Variants in UCMA observed in about 807,000 individuals in gnomAD.
The protein encoded by UCMA is upper zone of growth plate and cartilage matrix associated.
In UCMA, 21 loss-of-function variants were observed where a neutral mutation model predicts 21.8. The observed-to-expected ratio is 0.97, with a 90% CI of 0.68 to 1.39. The LOEUF (loss-of-function observed/expected upper bound fraction) is 1.39, where lower values mean the gene tolerates loss of function less well. Among genes scored for constraint, UCMA ranks in the 40% most tolerant of loss-of-function variants. The pLI, the probability that UCMA is intolerant of heterozygous loss-of-function variation, is 0.00. For synonymous variants in UCMA, 76 were observed against 67.9 expected (o/e 1.12, Z -0.58); for missense variants, 193 against 178.9 (o/e 1.08, Z -0.45).
chr10:13,233,432 T>G (rs1844533341), intron 3 of UCMA, 106 bp downstream of exon 3: 2 of 877,856 alleles, frequency 2.3e-6, no homozygotes, highest in African/African-American at 3.3e-5. Context: ...GAGCCCTTCG[T>G]GCCCAGCTGC....
At position 13,233,623 on chromosome 10, in the gene UCMA, C is replaced by G; in HGVS notation, c.135G>C (p.Gln45His). 1.2e-6 allele frequency: 2 copies of G among 1,614,170 alleles called. No individual in the cohort carries two copies. ...CATCTGATTCCTGCATGAAAATCTT[C>G]TGTTTTGCATCTGAAACCCGGGAGA... is the stretch of plus-strand genomic sequence containing the variant. ...AGEEASEDAK[Q>H]KIFMQESDAS... The change falls in exon 3 of 5, where the codon CAG (glutamine) becomes CAC (histidine). Residue 45 changes from glutamine to histidine, a missense_variant. By Grantham distance (24) the Gln-to-His change is conservative. Transcript: ENST00000378681.
rs200958228 is a variant in UCMA, at chr10:13,234,191, C to T, written c.58+10G>A. The stretch of plus-strand genomic sequence containing the variant: ...ACTAACACCCTCCACCTTGACCCTC[C>T]TGTACTCACTAGACAGGAGCACCAC... On this transcript the variant is annotated intron_variant, in intron 1 of 4. Coordinates refer to ENST00000378681, the MANE Select transcript of UCMA (RefSeq NM_145314.3). The T allele has an allele frequency of 1.4e-4, 228 of 1,612,906 alleles. No individual in the cohort carries two copies. The highest frequency in any genetic ancestry group is 2.3e-4 in the Admixed American group (14 of 59,862).
intron 4 of UCMA, among the ~76,000 whole-genome samples, chr10:13,228,475 T>C (rs1834853058): frequency 6.6e-6 from 1 of 152,012 alleles, no homozygotes. Flanking sequence ...TTTGGATGAG[T>C]TGGAGCCTGA....
At position 13,233,925 on chromosome 10, in the gene UCMA, T is replaced by C. The variant is rs550487569; in HGVS notation, c.59-125A>G. The C allele has an allele frequency of 3.3e-6, 4 of 1,226,876 alleles. No homozygotes were observed. The East Asian group carries it at 1.0e-4, about 31-fold the overall frequency. The allele number at this position is 1,226,876 out of a possible 1,614,324, so 76.0% of individuals were successfully genotyped here. On this transcript the variant is annotated intron_variant, in intron 1 of 4. Transcript: ENST00000378681. ...GGCCTGGCAGGGGGCCCGTGGTTTC[T>C]CACGTACCAGCTGCAGAGCCAATCT...
chr10:13,234,251 C>T lies in UCMA; in HGVS notation c.8G>A (p.Trp3Ter). 1 of 1,613,792 alleles carries T rather than the reference C, an allele frequency of 6.2e-7. No individual in the cohort carries two copies. The highest frequency in any genetic ancestry group is 8.5e-7 in the Non-Finnish European group (1 of 1,179,940). The change falls in exon 1 of 5, where the codon TGG becomes TAG. Residue 3 changes from tryptophan to a stop codon, truncating the protein, a stop_gained. Coordinates refer to ENST00000378681, the MANE Select transcript of UCMA (RefSeq NM_145314.3). LOFTEE classifies it high-confidence loss of function. ...GCAAGACAGCAGGACGGCCTGTCTC[C>T]AAGTCATCTTTGCAGAGGTAGGGGC... MT[W>*]RQAVLLSCFS... is the part of the protein sequence containing the mutation.
chr10:13,231,948 G>C (rs1398588956), intron 3 of UCMA, among the ~76,000 whole-genome samples: 5 of 152,066 alleles, frequency 3.3e-5, no homozygotes, highest in Non-Finnish European at 7.4e-5. Context: ...GACAGCAGAT[G>C]CATTCATGCA....
intron 4 of UCMA, among the ~76,000 whole-genome samples, chr10:13,224,367 GAGAAAGTAA>G (rs1203684517): frequency 2.0e-5 from 3 of 149,924 alleles, no homozygotes; most frequent in African/African-American, 4.9e-5. Flanking sequence ...GGGAGGGAAA[GAGAAAGTAA>G]AGAAAGAGAA....
intron 4 of UCMA, among the ~76,000 whole-genome samples, chr10:13,228,665 G>C (rs76202442): frequency 1.3e-5 from 2 of 152,122 alleles, no homozygotes; most frequent in African/African-American, 4.8e-5. Flanking sequence ...GGACATTGAC[G>C]TGAATATAAG....
intron 4 of UCMA, among the ~76,000 whole-genome samples, chr10:13,228,114 C>T (rs140247243): frequency 5.6e-4 from 85 of 151,686 alleles, no homozygotes; most frequent in African/African-American, 2.0e-3. Flanking sequence ...GGCTGGAGTG[C>T]GGTGGTGCAA....
At chr10:13,229,527 G>C (rs1834869993) in intron 4 of UCMA, 84 bp downstream of exon 4, 2 of 1,144,854 alleles carry the variant, frequency 1.7e-6, no homozygotes, top group African/African-American at 3.2e-5. Flanking sequence ...AAAAAAAAAA[G>C]TTGGGTAGAA....
At chr10:13,229,775 G>A (rs767473230) in intron 3 of UCMA, 66 bp from the exon 4 acceptor site, 76 of 1,364,520 alleles carry the variant, frequency 5.6e-5, no homozygotes, top group Admixed American at 8.8e-5. Flanking sequence ...ACACACTTAG[G>A]GGAGCACAGT....
intron 4 of UCMA, among the ~76,000 whole-genome samples, chr10:13,227,237 A>C (rs930357147): frequency 9.9e-5 from 15 of 152,182 alleles, no homozygotes; most frequent in Admixed American, 9.8e-4. Context: ...TTTCACTAGG[A>C]GATGCCTTCC....
intron 2 of UCMA, 34 bp from the exon 3 acceptor site, chr10:13,233,667 T>C: frequency 6.2e-7 from 1 of 1,613,666 alleles, no homozygotes; most frequent in Non-Finnish European, 8.5e-7. Context: ...ACCAGCAGTG[T>C]GGGGGTGCTG....
Position 13,222,361 on chromosome 10 carries a change from G to A in UCMA, c.320-161C>T, listed in dbSNP as rs138921109. ...CAGGACTGGTGAGGATCCAGAGTAT[G>A]TGAGCTGACAAGCCTTGTGTATAAG... On this transcript the variant is annotated intron_variant, in intron 4 of 4. Transcript: ENST00000378681. Among the ~76,000 whole-genome samples, 34 of 152,310 alleles carry A rather than the reference G, an allele frequency of 2.2e-4. 1 individual carries two copies. Among genetic ancestry groups the A allele is most frequent in the African/African-American group, 7.9e-4 (33 of 41,560 alleles).
intron 4 of UCMA, among the ~76,000 whole-genome samples, chr10:13,223,219 C>T (rs534700408): frequency 1.5e-5 from 2 of 130,740 alleles, no homozygotes; most frequent in African/African-American, 6.1e-5. Context: ...GAGTGAGATC[C>T]TATCTCAAAA....
chr10:13,228,723 C>A (rs1716891022), intron 4 of UCMA, among the ~76,000 whole-genome samples: 1 of 152,098 alleles, frequency 6.6e-6, no homozygotes, highest in Non-Finnish European at 1.5e-5. Flanking sequence ...CCTGCCAGAG[C>A]TAAGCCTAAG....
intron 3 of UCMA, 70 bp from the exon 4 acceptor site, chr10:13,229,779 G>T: frequency 7.6e-7 from 1 of 1,317,552 alleles, no homozygotes. Flanking sequence ...ACTTAGGGGA[G>T]CACAGTTCAT....
In UCMA at chr10:13,221,852, C is replaced by T; in HGVS notation, c.*251G>A. ...TGCTTGGGAACGAAGCCAGGGGAAG[C>T]CACTGTAGGTTTGGTACTAGGAGGC... On this transcript the variant is annotated 3_prime_UTR_variant, in exon 5 of 5. Coordinates refer to ENST00000378681, the MANE Select transcript of UCMA (RefSeq NM_145314.3). The T allele has an allele frequency of 2.0e-6, 1 of 498,228 alleles. No individual in the cohort carries two copies. The highest frequency in any genetic ancestry group is 3.6e-6 in the Non-Finnish European group (1 of 280,148). The allele number at this position is 498,228 out of a possible 1,614,324, so 30.9% of individuals were successfully genotyped here. A position where few individuals can be genotyped will look rare whatever the true frequency, so the allele number is the denominator to read the frequency against.
intron 1 of UCMA, 84 bp downstream of exon 1, chr10:13,234,117 A>C (rs1308611669): frequency 6.7e-6 from 9 of 1,345,998 alleles, no homozygotes; most frequent in African/African-American, 1.5e-5. Context: ...TTCTACCTGC[A>C]TCACCTGAGC....
Sources: gnomAD v4.1 joint callset for allele counts (sites outside exome capture counted in the v4.1 genomes callset) on GRCh38, gnomAD v4.1.1 for gene constraint, MANE v1.5 for transcripts, NCBI Gene and HGNC (gene_info 2026-07-23, HGNC 2026-07-21) for gene names.